The following PCSK2 variants were observed in gnomAD, a reference collection of about 807,000 sequenced individuals.
PCSK2 encodes proprotein convertase subtilisin/kexin type 2.
In PCSK2, 14 loss-of-function variants were observed where a neutral mutation model predicts 69.7. That is an observed-to-expected ratio of 0.20 (90% CI 0.13 to 0.31). The LOEUF (loss-of-function observed/expected upper bound fraction) is 0.31. Ranked by LOEUF, PCSK2 falls within the 10% of genes least tolerant of loss-of-function variation. The pLI is 1.00. For missense variants in PCSK2, 544 were observed against 842.5 expected (o/e 0.65, Z 4.39); for synonymous variants, 307 against 320.7 (o/e 0.96, Z 0.46).
intron 4 of PCSK2, among the ~76,000 whole-genome samples, chr20:17,365,259 G>A (rs1457350273): frequency 6.6e-6 from 1 of 152,112 alleles, no homozygotes; most frequent in African/African-American, 2.4e-5. Context: ...GGGTAACAAA[G>A]GGATGAACTC....
intron 1 of PCSK2, among the ~76,000 whole-genome samples, chr20:17,235,127 T>A (rs1986290408): frequency 6.6e-6 from 1 of 152,188 alleles, no homozygotes; most frequent in South Asian, 2.1e-4. Context: ...TTTAACTGCC[T>A]TGACAATTTT....
At chr20:17,288,558 C>T (rs1988596571) in intron 2 of PCSK2, among the ~76,000 whole-genome samples, 1 of 152,182 alleles carries the variant, frequency 6.6e-6, no homozygotes, top group African/African-American at 2.4e-5. Context: ...CCCCCAGTAC[C>T]TCAGAATTAG....
chr20:17,411,915 C>A (rs1398637397), intron 6 of PCSK2, among the ~76,000 whole-genome samples: 1 of 152,186 alleles, frequency 6.6e-6, no homozygotes, highest in East Asian at 1.9e-4. Context: ...GAGTGGGCCT[C>A]CAACAGCCTG....
chr20:17,319,147 C>T (rs1404471487), intron 2 of PCSK2, among the ~76,000 whole-genome samples: 2 of 151,974 alleles, frequency 1.3e-5, no homozygotes, highest in African/African-American at 4.8e-5. Flanking sequence ...ACCTGGGCTC[C>T]TATAATTCCC....
chr20:17,297,138 C>T (rs1264288565), intron 2 of PCSK2, among the ~76,000 whole-genome samples: 1 of 152,104 alleles, frequency 6.6e-6, no homozygotes, highest in Non-Finnish European at 1.5e-5. Context: ...GTGGGGACAG[C>T]CAAGTTCAAA....
intron 1 of PCSK2, among the ~76,000 whole-genome samples, chr20:17,248,044 A>G (rs191138466): frequency 3.7e-4 from 56 of 152,336 alleles, no homozygotes; most frequent in African/African-American, 1.3e-3. Context: ...TAGCAGCATT[A>G]TTATACTGTC....
intron 11 of PCSK2, among the ~76,000 whole-genome samples, chr20:17,473,789 G>T (rs930542779): frequency 1.3e-5 from 2 of 152,094 alleles, no homozygotes; most frequent in Non-Finnish European, 2.9e-5. Context: ...TACCAAGTTC[G>T]CTGCCTCTGG....
intron 8 of PCSK2, among the ~76,000 whole-genome samples, chr20:17,449,495 TATATAAATATAC>T (rs2032765294): frequency 6.8e-6 from 1 of 147,454 alleles, no homozygotes; most frequent in South Asian, 2.1e-4. Flanking sequence ...ATGTTACATA[TATATAAATATAC>T]ATATATATAT....
Position 17,482,994 on chromosome 20 carries a change from T to A in PCSK2, c.*924T>A, listed in dbSNP as rs908903997. On this transcript the variant is annotated 3_prime_UTR_variant, in exon 12 of 12. Transcript: ENST00000262545. Reference sequence around the variant, plus strand: ...CCTTTTCCTAAGTCACTTTGAGGTGTCTCAATCTGATCTGAGTGAGAGGCG... The same window carrying A: ...CCTTTTCCTAAGTCACTTTGAGGTGACTCAATCTGATCTGAGTGAGAGGCG... The A allele has an allele frequency of 2.0e-5, 3 of 151,612 alleles. No homozygotes were observed. Among genetic ancestry groups the A allele is most frequent in the African/African-American group, 7.3e-5 (3 of 41,272 alleles). 9.4% of individuals were successfully genotyped at this position (151,612 alleles called of 1,614,324 possible). A position where few individuals can be genotyped will look rare whatever the true frequency, so the allele number is the denominator to read the frequency against.
At chr20:17,371,461 T>A (rs946567662) in intron 5 of PCSK2, among the ~76,000 whole-genome samples, 1 of 152,222 alleles carries the variant, frequency 6.6e-6, no homozygotes, top group African/African-American at 2.4e-5. Flanking sequence ...AATACCAGAA[T>A]ACACCTGAAG....
At position 17,227,412 on chromosome 20, in the gene PCSK2, T is replaced by A. The variant is rs1440069603; in HGVS notation, c.107T>A (p.Val36Glu). ...ERPVFTNHFLVELHKGGEDKA... is the reference protein window; with the variant it reads ...ERPVFTNHFLEELHKGGEDKA... ...CCGGTCTTCACGAATCATTTTCTTGTGGAGTTGCATAAAGGGGGAGAGGAC... is the reference window on the plus strand; with the variant it reads ...CCGGTCTTCACGAATCATTTTCTTGAGGAGTTGCATAAAGGGGGAGAGGAC... The change falls in exon 1 of 12, where the codon GTG becomes GAG. Residue 36 changes from valine to glutamate, a missense_variant. Physicochemically the swap from Val to Glu is moderately radical, Grantham distance 121. Coordinates refer to ENST00000262545, the MANE Select transcript of PCSK2 (RefSeq NM_002594.5). 1 of 1,613,792 alleles carries A rather than the reference T, an allele frequency of 6.2e-7. No individual in the cohort carries two copies. The highest frequency in any genetic ancestry group is 8.5e-7 in the Non-Finnish European group (1 of 1,179,878).
intron 1 of PCSK2, among the ~76,000 whole-genome samples, chr20:17,235,241 A>G (rs1212797178): frequency 6.6e-6 from 1 of 152,216 alleles, no homozygotes; most frequent in African/African-American, 2.4e-5. Context: ...CATTGAAAGT[A>G]GAACAATGAC....
At chr20:17,290,387 G>T (rs893373994) in intron 2 of PCSK2, among the ~76,000 whole-genome samples, 61 of 152,142 alleles carry the variant, frequency 4.0e-4, no homozygotes, top group African/African-American at 1.5e-3. Context: ...AAAATGGTTT[G>T]TTCTCTTTTC....
intron 2 of PCSK2, among the ~76,000 whole-genome samples, chr20:17,320,228 A>G (rs1238849830): frequency 6.6e-6 from 1 of 152,214 alleles, no homozygotes; most frequent in Admixed American, 6.5e-5. Flanking sequence ...CCCAGGAGAC[A>G]CTTAGCTCTC....
chr20:17,387,764 C>T (rs1396021774), intron 5 of PCSK2, among the ~76,000 whole-genome samples: 1 of 152,192 alleles, frequency 6.6e-6, no homozygotes, highest in Non-Finnish European at 1.5e-5. Context: ...AGGATCCCAA[C>T]TGGGAGGCGG....
chr20:17,390,008 G>A (rs757025926), intron 5 of PCSK2, among the ~76,000 whole-genome samples: 123 of 152,236 alleles, frequency 8.1e-4, no homozygotes, highest in Non-Finnish European at 1.5e-3. Flanking sequence ...TCCAATGCCC[G>A]TCAACAAGTG....
At chr20:17,356,105 A>C (rs1024121134) in intron 2 of PCSK2, among the ~76,000 whole-genome samples, 2 of 152,186 alleles carry the variant, frequency 1.3e-5, no homozygotes, top group African/African-American at 2.4e-5. Context: ...ATACACACAT[A>C]CACATATATA....
intron 5 of PCSK2, 78 bp downstream of exon 5, chr20:17,369,355 C>T (rs2030690673): frequency 1.9e-6 from 2 of 1,045,150 alleles, no homozygotes; most frequent in South Asian, 2.6e-5. Context: ...GGAACATGCA[C>T]ATGTCTACAT....
At chr20:17,296,934 G>A (rs953721092) in intron 2 of PCSK2, among the ~76,000 whole-genome samples, 16 of 152,178 alleles carry the variant, frequency 1.1e-4, no homozygotes, top group Admixed American at 9.8e-4. Context: ...TTGCAGACCA[G>A]AGAGCAGCAT....
Sources: allele counts gnomAD v4.1 joint callset (sites outside exome capture counted in the v4.1 genomes callset), GRCh38; gene constraint gnomAD v4.1.1; transcripts MANE v1.5; gene names NCBI Gene and HGNC (gene_info 2026-07-23, HGNC 2026-07-21).